The following MROH9 variants were observed in gnomAD, a reference collection of about 807,000 sequenced individuals.
MROH9 encodes the protein maestro heat like repeat family member 9.
A neutral mutation model predicts 98.2 loss-of-function variants in MROH9; 92 were observed. That is an observed-to-expected ratio of 0.94 (90% confidence interval 0.79 to 1.11). The LOEUF (loss-of-function observed/expected upper bound fraction) is 1.11. Ranked by LOEUF, MROH9 falls within the 50% of genes most tolerant of loss-of-function variation. MROH9 has a pLI of 0.00. For synonymous variants in MROH9, 397 were observed against 368.9 expected, an observed-to-expected ratio of 1.08 and a Z score of -0.87; for missense variants, 1,057 against 1,014.8, an observed-to-expected ratio of 1.04 and a Z score of -0.57.
At chr1:171,011,155 G>A (rs1161225780) in intron 15 of MROH9, among the ~76,000 whole-genome samples, 1 of 152,152 alleles carries the variant, frequency 6.6e-6, no homozygotes, top group Non-Finnish European at 1.5e-5. Flanking sequence ...AATAGAGACA[G>A]ACAGCGAGAC....
intron 15 of MROH9, among the ~76,000 whole-genome samples, chr1:171,010,151 A>G (rs1364221476): frequency 6.6e-6 from 1 of 151,946 alleles, no homozygotes; most frequent in Non-Finnish European, 1.5e-5. Context: ...CCTTATGTCC[A>G]TGTGTTCTCA....
chr1:171,008,302 TATC>T (rs1652030799), intron 15 of MROH9, among the ~76,000 whole-genome samples: 4 of 152,200 alleles, frequency 2.6e-5, no homozygotes, highest in Non-Finnish European at 5.9e-5. Flanking sequence ...ACATTAAAAC[TATC>T]ATTGTAATAT....
rs78743116 is a variant in MROH9, at chr1:170,937,515, A to T, written c.-38+1928A>T. ...CACTGATCACAGCATCATAATCAGT[A>T]TTTTTTTTTTTTTTTTTTTTTTTTG... On this transcript the variant is annotated intron_variant, in intron 1 of 21. Coordinates refer to ENST00000367759, the MANE Select transcript of MROH9 (RefSeq NM_001163629.2). Among the ~76,000 whole-genome samples the T allele has an allele frequency of 8.6e-3, 981 of 113,656 alleles. 14 individuals carry two copies. The highest frequency in any genetic ancestry group is 0.032 in the African/African-American group (927 of 28,600). 74.6% of individuals were successfully genotyped at this position (113,656 alleles called of 152,430 possible).
At chr1:170,937,090 C>T (rs1298104367) in intron 1 of MROH9, among the ~76,000 whole-genome samples, 1 of 152,198 alleles carries the variant, frequency 6.6e-6, no homozygotes, top group Non-Finnish European at 1.5e-5. Context: ...CACAGAAAAA[C>T]AGGCAGTTAA....
rs1649869505 is a variant in MROH9 at position 170,958,441 on chromosome 1, T to C, written c.73-20T>C. On this transcript the variant is annotated intron_variant, in intron 3 of 21. Coordinates refer to ENST00000367759, the MANE Select transcript of MROH9 (RefSeq NM_001163629.2). ...ATCATTAATTCTTCTTTTTTTTTTT[T>C]TTTTTAACATGGTACTTAGGCACAT... The C allele has an allele frequency of 1.4e-6, 2 of 1,444,504 alleles. No homozygotes were observed. The highest frequency in any genetic ancestry group is 1.4e-5 in the African/African-American group (1 of 70,652). The allele number at this position is 1,444,504 out of a possible 1,614,324, so 89.5% of individuals were successfully genotyped here. A position where few individuals can be genotyped will look rare whatever the true frequency, so the allele number is the denominator to read the frequency against.
intron 8 of MROH9, among the ~76,000 whole-genome samples, chr1:170,977,139 A>C (rs1232540866): frequency 6.6e-6 from 1 of 151,966 alleles, no homozygotes; most frequent in Non-Finnish European, 1.5e-5. Context: ...CTCCTGTATC[A>C]TTTTATTGTG....
intron 12 of MROH9, 117 bp from the exon 13 acceptor site, chr1:170,995,272 T>C (rs1453865314): frequency 5.4e-6 from 6 of 1,101,080 alleles, no homozygotes; most frequent in Non-Finnish European, 8.0e-6. Flanking sequence ...GCTTTAGGTT[T>C]TCTTCAAGGA....
chr1:170,970,254 T>C (rs1650390526), intron 7 of MROH9, among the ~76,000 whole-genome samples: 1 of 152,176 alleles, frequency 6.6e-6, no homozygotes, highest in African/African-American at 2.4e-5. Context: ...CAATCCCCTG[T>C]AAGTGGTGCT....
chr1:170,996,363 C>T (rs1269568566), intron 13 of MROH9, 144 bp from the exon 14 acceptor site: 1 of 835,398 alleles, frequency 1.2e-6, no homozygotes, highest in African/African-American at 1.7e-5. Context: ...AGATGAAGGA[C>T]ATTTAGCAAT....
chr1:170,982,965 A>G lies in MROH9; in HGVS notation c.617-457A>G, dbSNP rs1293608783. Reference sequence around the variant, plus strand: ...TATATCTCTATAGAGCTATTTAAAAACAAACAAAATCATTTAAAGCTCACC... The same window carrying G: ...TATATCTCTATAGAGCTATTTAAAAGCAAACAAAATCATTTAAAGCTCACC... On this transcript the variant is annotated intron_variant, in intron 8 of 21. Coordinates refer to ENST00000367759, the MANE Select transcript of MROH9 (RefSeq NM_001163629.2). Among the ~76,000 whole-genome samples, 12 of 152,154 alleles carry G rather than the reference A, an allele frequency of 7.9e-5. 1 individual carries two copies. The highest frequency in any genetic ancestry group is 7.9e-4 in the Admixed American group (12 of 15,256).
chr1:170,961,171 TA>T (rs1419803819), intron 5 of MROH9, among the ~76,000 whole-genome samples: 1 of 152,282 alleles, frequency 6.6e-6, no homozygotes, highest in Non-Finnish European at 1.5e-5. Flanking sequence ...AAGCAACAGT[TA>T]GAATAAAATA....
intron 7 of MROH9, among the ~76,000 whole-genome samples, chr1:170,970,731 T>TGTGAGAGAGAGAGAGAGA (rs1491154307): frequency 3.3e-5 from 3 of 90,870 alleles, no homozygotes; most frequent in Admixed American, 1.2e-4. Flanking sequence ...TGTGTGTGTG[T>TGTGAGAGAGAGAGAGAGA]GAGAGAGAGA....
intron 20 of MROH9, among the ~76,000 whole-genome samples, chr1:171,037,019 A>G (rs1571158154): frequency 6.6e-6 from 1 of 151,234 alleles, no homozygotes; most frequent in South Asian, 2.1e-4. Flanking sequence ...AAGGACACAC[A>G]AGAGGCTTCA....
At chr1:170,941,987 G>C (rs572835592) in intron 1 of MROH9, among the ~76,000 whole-genome samples, 4 of 152,108 alleles carry the variant, frequency 2.6e-5, no homozygotes, top group South Asian at 2.1e-4. Context: ...CAAGTAGTTA[G>C]AGCCATTTCC....
chr1:170,935,998 A>G (rs1415965534), intron 1 of MROH9, among the ~76,000 whole-genome samples: 17 of 145,234 alleles, frequency 1.2e-4, no homozygotes, highest in African/African-American at 1.9e-4. Context: ...AAAAAAAAAA[A>G]AAAAAAAAAA....
In MROH9 at chr1:170,970,068, C is replaced by G. The variant is rs79837161; in HGVS notation, c.481-1680C>G. 4.3e-4 allele frequency among the ~76,000 whole-genome samples: 66 copies of G among 152,274 alleles called. No individual in the cohort carries two copies. In the East Asian group the frequency reaches 0.011, roughly 25 times the overall value. On this transcript the variant is annotated intron_variant, in intron 7 of 21. Coordinates refer to ENST00000367759, the MANE Select transcript of MROH9 (RefSeq NM_001163629.2). ...CAGTCTAGGCACGACCACACATACT[C>G]TGCTAGAGACATACACCTAGATAGA...
chr1:171,047,307 T>C (rs535575819), intron 20 of MROH9, among the ~76,000 whole-genome samples: 78 of 152,328 alleles, frequency 5.1e-4, no homozygotes, highest in Non-Finnish European at 8.5e-4. Context: ...GACTCTTAGA[T>C]TTGCCCTCTT....
intron 1 of MROH9, among the ~76,000 whole-genome samples, chr1:170,939,445 A>G (rs1231709692): frequency 6.6e-6 from 1 of 152,162 alleles, no homozygotes; most frequent in Non-Finnish European, 1.5e-5. Context: ...TCCACTTTCA[A>G]GTTGTGCCTG....
intron 15 of MROH9, among the ~76,000 whole-genome samples, chr1:171,007,587 G>T (rs1171150498): frequency 6.6e-6 from 1 of 152,162 alleles, no homozygotes; most frequent in Admixed American, 6.5e-5. Context: ...AAGCTAAAAG[G>T]GGCTGGAGTC....
Sources: allele counts gnomAD v4.1 joint callset (sites outside exome capture counted in the v4.1 genomes callset), GRCh38; gene constraint gnomAD v4.1.1; transcripts MANE v1.5; gene names NCBI Gene and HGNC (gene_info 2026-07-23, HGNC 2026-07-21).